TATDN1: variants seen among roughly 807,000 people sequenced by gnomAD.
The protein encoded by TATDN1 is TatD DNase domain containing 1.
A neutral mutation model predicts 46.4 loss-of-function variants in TATDN1; 40 were observed. That is an observed-to-expected ratio of 0.86 (90% confidence interval 0.67 to 1.12). The LOEUF (loss-of-function observed/expected upper bound fraction) is 1.12, where lower values mean the gene tolerates loss of function less well. TATDN1 is among the 50% of genes most tolerant of loss of function. The pLI, the probability that TATDN1 is intolerant of heterozygous loss-of-function variation, is 0.00. For missense variants in TATDN1, 326 were observed against 348.4 expected (o/e 0.94, Z 0.51); for synonymous variants, 95 against 105.6 (o/e 0.90, Z 0.62).
chr8:124,489,359 T>C (rs1255294171), intron 11 of TATDN1: 7 of 152,280 alleles, frequency 4.6e-5, no homozygotes, highest in South Asian at 2.1e-4. Context: ...GTCTCTCTCT[T>C]CCTTCCCTTC....
At chr8:124,509,402 G>A (rs116053913) in intron 6 of TATDN1, among the ~76,000 whole-genome samples, 163 of 152,284 alleles carry the variant, frequency 1.1e-3, no homozygotes, top group Admixed American at 3.3e-3. Context: ...AACCTGTTAC[G>A]TTTTCAAGAA....
At position 124,522,996 on chromosome 8, in the gene TATDN1, C is replaced by T. The variant is rs1586656027; in HGVS notation, c.29G>A (p.Gly10Asp). Reference sequence around the variant, plus strand: ...GAACATAGGGTCAGTCAAGTTGATACCAATATCTGTAGAAAGCAAAAGTCA... The same window carrying T: ...GAACATAGGGTCAGTCAAGTTGATATCAATATCTGTAGAAAGCAAAAGTCA... MSRFKFIDI[G>D]INLTDPMFRG... Residue 10 changes from glycine to aspartate, a missense_variant, in exon 2 of 12, where the codon GGT becomes GAT. By Grantham distance (94) the Gly-to-Asp change is moderately conservative. Coordinates refer to ENST00000276692, the MANE Select transcript of TATDN1 (RefSeq NM_032026.4). 1 of 1,612,544 alleles carries T rather than the reference C, an allele frequency of 6.2e-7. No individual in the cohort carries two copies. Among genetic ancestry groups the T allele is most frequent in the South Asian group, 1.1e-5 (1 of 91,022 alleles).
intron 6 of TATDN1, among the ~76,000 whole-genome samples, chr8:124,513,596 T>A (rs1445066665): frequency 6.6e-6 from 1 of 152,266 alleles, no homozygotes; most frequent in Non-Finnish European, 1.5e-5. Context: ...GATCAGACGC[T>A]ATTCTGATGA....
At chr8:124,538,416 A>G (rs1251343783) in intron 1 of TATDN1, 2 of 153,678 alleles carry the variant, frequency 1.3e-5, no homozygotes, top group Non-Finnish European at 2.9e-5. Flanking sequence ...GCCCATTTAA[A>G]TCCCGCAGCA....
chr8:124,504,453 T>C (rs1818229712), intron 8 of TATDN1, 106 bp from the exon 9 acceptor site: 4 of 637,830 alleles, frequency 6.3e-6, no homozygotes, highest in Non-Finnish European at 9.7e-6. Flanking sequence ...CTGTAAGTTT[T>C]TGGACCTCAG....
chr8:124,503,193 G>A (rs1389933714), intron 9 of TATDN1, among the ~76,000 whole-genome samples: 3 of 152,120 alleles, frequency 2.0e-5, no homozygotes, highest in African/African-American at 7.2e-5. Flanking sequence ...AGAGAATGGA[G>A]GTAGGGGATT....
At chr8:124,528,133 C>T (rs1246055538) in intron 1 of TATDN1, among the ~76,000 whole-genome samples, 1 of 152,070 alleles carries the variant, frequency 6.6e-6, no homozygotes, top group Non-Finnish European at 1.5e-5. Context: ...TAGTTCATAG[C>T]TCTTGTAACC....
chr8:124,492,755 A>G (rs2131338425), intron 11 of TATDN1, among the ~76,000 whole-genome samples: 1 of 151,614 alleles, frequency 6.6e-6, no homozygotes, highest in East Asian at 1.9e-4. Context: ...TGGTCTCAAA[A>G]AAAAAAAAAA....
At chr8:124,520,757 G>A (rs6470245) in intron 3 of TATDN1, among the ~76,000 whole-genome samples, 78,479 of 151,292 alleles carry the variant, frequency 0.52, 20,853 homozygotes, top group African/African-American at 0.63. Context: ...CCTGGCCAAC[G>A]TGGTGAAACC....
intron 1 of TATDN1, among the ~76,000 whole-genome samples, chr8:124,532,189 G>A (rs149901717): frequency 3.2e-4 from 49 of 152,296 alleles, no homozygotes; most frequent in African/African-American, 8.4e-4. Flanking sequence ...GGTTGCCTTC[G>A]CTGTCTTCTG....
At chr8:124,533,640 T>C (rs988673671) in intron 1 of TATDN1, among the ~76,000 whole-genome samples, 1 of 152,024 alleles carries the variant, frequency 6.6e-6, no homozygotes, top group South Asian at 2.1e-4. Flanking sequence ...TCTGTTCAAC[T>C]TGTAGGAAAA....
chr8:124,522,415 T>C (rs539334096), intron 2 of TATDN1, among the ~76,000 whole-genome samples: 8 of 152,312 alleles, frequency 5.3e-5, no homozygotes, highest in South Asian at 2.1e-4. Context: ...CCAAAATGCA[T>C]AATGAGTTCT....
chr8:124,529,628 G>A (rs1040548658), intron 1 of TATDN1, among the ~76,000 whole-genome samples: 2 of 152,156 alleles, frequency 1.3e-5, no homozygotes, highest in Non-Finnish European at 2.9e-5. Context: ...GTATTCATGC[G>A]GAGTGCTGAC....
At chr8:124,495,681 T>C in intron 9 of TATDN1, 139 bp from the exon 10 acceptor site, 1 of 627,740 alleles carries the variant, frequency 1.6e-6, no homozygotes. Context: ...GGAAAGTATT[T>C]GCACACCTCC....
intron 1 of TATDN1, among the ~76,000 whole-genome samples, chr8:124,529,479 T>C (rs1820775934): frequency 6.6e-6 from 1 of 152,180 alleles, no homozygotes; most frequent in African/African-American, 2.4e-5. Context: ...TCAGCAAGCA[T>C]GAACCTTCTA....
chr8:124,494,266 G>GTT, intron 10 of TATDN1: 1 of 175,588 alleles, frequency 5.7e-6, no homozygotes, highest in Non-Finnish European at 1.2e-5. Context: ...AAGTTAAACA[G>GTT]TTTTTTTTTC....
chr8:124,488,645 T>C lies in TATDN1; in HGVS notation c.843A>G (p.Leu281=). 1.2e-6 allele frequency: 2 copies of C among 1,606,896 alleles called. No individual in the cohort carries two copies. Among genetic ancestry groups the C allele is most frequent in the Non-Finnish European group, 1.7e-6 (2 of 1,174,140 alleles). ...SAVRDEDPLE[L]ANTLYNNTIK... is the part of the protein sequence containing the mutation. ...TAGTATTGTTATATAGTGTATTGGC[T>C]AATTCCAGTGGATCCTCATCTCTCA... The change falls in exon 12 of 12, where the codon TTA becomes TTG. Residue 281 remains leucine, a synonymous_variant. Transcript: ENST00000276692.
At chr8:124,508,036 T>TA (rs931538288) in intron 8 of TATDN1, among the ~76,000 whole-genome samples, 28 of 152,048 alleles carry the variant, frequency 1.8e-4, no homozygotes, top group Non-Finnish European at 3.5e-4. Flanking sequence ...TATTCCTTTT[T>TA]AAAAAAAATT....
chr8:124,509,650 A>G (rs961019549), intron 6 of TATDN1, among the ~76,000 whole-genome samples: 11 of 152,182 alleles, frequency 7.2e-5, no homozygotes, highest in Admixed American at 7.2e-4. Flanking sequence ...ATATTTTTCT[A>G]TATCATATTT....
Sources: allele counts gnomAD v4.1 joint callset (sites outside exome capture counted in the v4.1 genomes callset), GRCh38; gene constraint gnomAD v4.1.1; transcripts MANE v1.5; gene names NCBI Gene and HGNC (gene_info 2026-07-23, HGNC 2026-07-21).